The following ZNF540 variants were observed in gnomAD, a reference collection of about 807,000 sequenced individuals.
ZNF540 encodes the protein CTD-3064H18.6.
In ZNF540, 3 loss-of-function variants were observed where a neutral mutation model predicts 11.8. The observed-to-expected ratio is 0.25, with a 90% CI of 0.12 to 0.65. The LOEUF (loss-of-function observed/expected upper bound fraction) is 0.65, where lower values mean the gene tolerates loss of function less well. Among genes scored for constraint, ZNF540 ranks in the 30% least tolerant of loss-of-function variants. The pLI is 0.83. For missense variants in ZNF540, 709 were observed against 793.1 expected (o/e 0.89, Z 1.27); for synonymous variants, 247 against 259.0 (o/e 0.95, Z 0.45).
chr19:37,607,842 G>A (rs1386299211), intron 4 of ZNF540, among the ~76,000 whole-genome samples: 2 of 152,192 alleles, frequency 1.3e-5, no homozygotes, highest in African/African-American at 2.4e-5. Flanking sequence ...TGATTGCTGA[G>A]TAGTACGATA....
intron 1 of ZNF540, among the ~76,000 whole-genome samples, chr19:37,596,445 T>C (rs564151260): frequency 6.6e-6 from 1 of 152,308 alleles, no homozygotes; most frequent in African/African-American, 2.4e-5. Flanking sequence ...ATATTTATTA[T>C]GTGGTTCTTT....
intron 4 of ZNF540, among the ~76,000 whole-genome samples, chr19:37,604,695 G>T (rs1386144489): frequency 6.6e-6 from 1 of 151,892 alleles, no homozygotes; most frequent in East Asian, 1.9e-4. Context: ...AATTATTTTG[G>T]ACAAACACGT....
intron 1 of ZNF540, among the ~76,000 whole-genome samples, chr19:37,582,214 A>G (rs1025957257): frequency 6.6e-6 from 1 of 152,146 alleles, no homozygotes; most frequent in Non-Finnish European, 1.5e-5. Flanking sequence ...ATACTCCACA[A>G]TGAGGTTTTT....
intron 4 of ZNF540, among the ~76,000 whole-genome samples, chr19:37,603,767 A>G (rs527291643): frequency 1.1e-3 from 174 of 152,346 alleles, no homozygotes; most frequent in Non-Finnish European, 5.9e-4. Flanking sequence ...GAGTAAATAC[A>G]TAAAATTTAT....
intron 1 of ZNF540, among the ~76,000 whole-genome samples, chr19:37,553,317 G>A (rs2042628233): frequency 6.6e-6 from 1 of 151,186 alleles, no homozygotes; most frequent in African/African-American, 2.4e-5. Flanking sequence ...ATTTTTAGTA[G>A]AGATGGGGTT....
intron 1 of ZNF540, chr19:37,586,568 T>C: frequency 2.8e-6 from 4 of 1,438,074 alleles, no homozygotes; most frequent in East Asian, 2.3e-5. Context: ...AGCAGTTCCC[T>C]TAAGGAACCA....
intron 1 of ZNF540, among the ~76,000 whole-genome samples, chr19:37,578,828 G>A (rs1201706657): frequency 1.3e-5 from 2 of 152,196 alleles, no homozygotes; most frequent in African/African-American, 2.4e-5. Context: ...CCGCACCTCC[G>A]CCTAAACTCT....
In ZNF540 at chr19:37,612,279, G is replaced by A. The variant is rs761347510; in HGVS notation, c.999G>A (p.Gly333=). Residue 333 remains glycine (G), a synonymous_variant, in exon 5 of 5, where the codon GGG becomes GGA. Transcript: ENST00000316433. ...GKKPYECKEC[G]KAFSVCGQLT... ...AACCCTATGAATGTAAGGAGTGTGG[G>A]AAAGCTTTTAGTGTATGCGGACAAC... 3.0e-5 allele frequency: 49 copies of A among 1,613,886 alleles called. No individual in the cohort carries two copies. Among genetic ancestry groups the A allele is most frequent in the Non-Finnish European group, 4.1e-5 (48 of 1,180,012 alleles).
rs755750377 is a variant in ZNF540, at chr19:37,566,032, A to G, written c.-73+14367A>G. 9.9e-6 allele frequency: 16 copies of G among 1,613,962 alleles called. 1 individual carries two copies. The highest frequency in any genetic ancestry group is 1.1e-5 in the Non-Finnish European group (13 of 1,179,964). On this transcript the variant is annotated intron_variant, in intron 1 of 4. Coordinates refer to the ZNF540 transcript ENST00000592533. The stretch of plus-strand genomic sequence containing the variant: ...ATTTGTACAATTTTTCCTTGGTAGG[A>G]ATTATCCGATGAAAAGTAGAAGAGG...
intron 1 of ZNF540, among the ~76,000 whole-genome samples, chr19:37,558,948 T>G (rs1484057564): frequency 2.6e-5 from 4 of 152,092 alleles, no homozygotes; most frequent in Non-Finnish European, 5.9e-5. Context: ...TAAATTCAGG[T>G]GATCCTCCCA....
chr19:37,584,836 C>T (rs897286013), intron 1 of ZNF540, among the ~76,000 whole-genome samples: 2 of 151,942 alleles, frequency 1.3e-5, no homozygotes, highest in African/African-American at 4.8e-5. Context: ...TGATGGTGGG[C>T]ACCTGTAGTC....
chr19:37,612,025 G>C lies in ZNF540; in HGVS notation c.745G>C (p.Gly249Arg). Residue 249 changes from glycine (G) to arginine (R), a missense_variant, in exon 5 of 5, where the codon GGG (glycine) becomes CGG (arginine). Physicochemically the swap from Gly to Arg is moderately radical, Grantham distance 125. Coordinates refer to ENST00000316433, the MANE Select transcript of ZNF540 (RefSeq NM_001172225.3). Reference sequence around the variant, plus strand: ...GAAACCCTATGAATGTCAAGAATGTGGGAAGACCTTTACTCTTTACCCACA... The same window carrying C: ...GAAACCCTATGAATGTCAAGAATGTCGGAAGACCTTTACTCTTTACCCACA... ...GEKPYECQEC[G>R]KTFTLYPQLN... The C allele has an allele frequency of 6.2e-7, 1 of 1,613,506 alleles. No homozygotes were observed.
Position 37,605,211 on chromosome 19 carries a change from G to A in ZNF540, c.232+4106G>A, listed in dbSNP as rs111506417. ...CGCAGTAGTTCATGCCTGTAATCCC[G>A]GCACTTTGGGAGGCTAAGGCAGGCG... On this transcript the variant is annotated intron_variant, in intron 4 of 4. Transcript: ENST00000316433. 8.0e-3 allele frequency among the ~76,000 whole-genome samples: 1,222 copies of A among 151,896 alleles called. 13 individuals carry two copies. Among genetic ancestry groups the A allele is most frequent in the African/African-American group, 0.028 (1,154 of 41,432 alleles).
chr19:37,562,135 C>T (rs1224855820), intron 1 of ZNF540, among the ~76,000 whole-genome samples: 3 of 152,174 alleles, frequency 2.0e-5, no homozygotes, highest in African/African-American at 4.8e-5. Flanking sequence ...ATAATCCCAG[C>T]ACTTCAGGAG....
intron 1 of ZNF540, among the ~76,000 whole-genome samples, chr19:37,552,982 G>A (rs1355411973): frequency 7.0e-6 from 1 of 143,198 alleles, no homozygotes; most frequent in Admixed American, 7.1e-5. Flanking sequence ...TGTTCACATA[G>A]CCATTTTGGT....
At chr19:37,565,370 T>C in intron 1 of ZNF540, 2 of 1,613,876 alleles carry the variant, frequency 1.2e-6, no homozygotes, top group South Asian at 1.1e-5. Context: ...AATTCTCTGA[T>C]GTTCATTCAG....
At position 37,614,010 on chromosome 19, in the gene ZNF540, C is replaced by T. The variant is rs1462403170; in HGVS notation, c.*747C>T. On this transcript the variant is annotated 3_prime_UTR_variant, in exon 5 of 5. Coordinates refer to ENST00000316433, the MANE Select transcript of ZNF540 (RefSeq NM_001172225.3). ...AGCAGTCTACAGTGCAAAAGAGGGC[C>T]TTCACCAGAACCCAAGCATGCTGGC... 5.0e-6 allele frequency: 2 copies of T among 396,282 alleles called. No homozygotes were observed. The highest frequency in any genetic ancestry group is 4.1e-5 in the African/African-American group (2 of 48,584). The allele number at this position is 396,282 out of a possible 1,614,324, so 24.5% of individuals were successfully genotyped here.
intron 3 of ZNF540, 87 bp downstream of exon 3, chr19:37,599,839 A>C: frequency 2.1e-6 from 3 of 1,397,644 alleles, no homozygotes; most frequent in Non-Finnish European, 2.9e-6. Flanking sequence ...ATTATTAAGA[A>C]ACTAGCTGAA....
chr19:37,561,062 A>AAAG (rs1417143217), intron 1 of ZNF540, among the ~76,000 whole-genome samples: 2 of 148,818 alleles, frequency 1.3e-5, no homozygotes, highest in Admixed American at 1.3e-4. Context: ...AAAAAAAAAA[A>AAAG]AAAAAAAAAA....
Sources: allele counts gnomAD v4.1 joint callset (sites outside exome capture counted in the v4.1 genomes callset), GRCh38; gene constraint gnomAD v4.1.1; transcripts MANE v1.5; gene names NCBI Gene and HGNC (gene_info 2026-07-23, HGNC 2026-07-21).